Variants in FGF14 observed in about 807,000 individuals in gnomAD.
The protein encoded by FGF14 is fibroblast growth factor homologous factor 4.
In FGF14, 5 loss-of-function variants were observed where a neutral mutation model predicts 25.5. The ratio of observed to expected loss-of-function variants is 0.20; its 90% CI spans 0.10 to 0.41. The LOEUF is 0.41. Among genes scored for constraint, FGF14 ranks in the 10% least tolerant of loss-of-function variants. FGF14 has a pLI of 1.00. For missense variants in FGF14, 222 were observed against 320.1 expected, an observed-to-expected ratio of 0.69 and a Z score of 2.34; for synonymous variants, 138 against 118.3, an observed-to-expected ratio of 1.17 and a Z score of -1.08.
intron 3 of FGF14, among the ~76,000 whole-genome samples, chr13:101,758,157 A>T (rs982057662): frequency 6.6e-6 from 1 of 152,232 alleles, no homozygotes; most frequent in African/African-American, 2.4e-5. Flanking sequence ...ACCTTGAACT[A>T]AGTGCCTTTT....
chr13:102,398,573 T>C (rs2058633007), intron 1 of FGF14, among the ~76,000 whole-genome samples: 1 of 152,176 alleles, frequency 6.6e-6, no homozygotes, highest in Non-Finnish European at 1.5e-5. Flanking sequence ...GTTCTCTTTT[T>C]AAATTTAAGA....
chr13:101,886,577 T>C lies in FGF14; in HGVS notation c.194-11281A>G, dbSNP rs948588581. On this transcript the variant is annotated intron_variant, in intron 1 of 4. Transcript: ENST00000376143. ...AGATTTAAATGTAATACGTAAGACC[T>C]GAAACTTTAAAACTACCAGAAGAAA... 2.6e-5 allele frequency among the ~76,000 whole-genome samples: 4 copies of C among 152,122 alleles called. No individual in the cohort carries two copies. In the East Asian group the frequency reaches 7.7e-4, roughly 29 times the overall value.
intron 1 of FGF14, among the ~76,000 whole-genome samples, chr13:102,052,681 C>A (rs1475918695): frequency 7.3e-5 from 11 of 151,620 alleles, no homozygotes; most frequent in Non-Finnish European, 4.4e-5. Flanking sequence ...CCGTATCCAG[C>A]AAATATGTCC....
intron 1 of FGF14, among the ~76,000 whole-genome samples, chr13:102,358,834 G>A (rs2057487747): frequency 6.6e-6 from 1 of 152,144 alleles, no homozygotes; most frequent in African/African-American, 2.4e-5. Context: ...GTCAGATTCA[G>A]ATAAGATTTA....
intron 1 of FGF14, among the ~76,000 whole-genome samples, chr13:102,300,955 ACACACACAC>A (rs2055017340): frequency 6.7e-6 from 1 of 149,570 alleles, no homozygotes; most frequent in Admixed American, 6.7e-5. Flanking sequence ...ACACACACAC[ACACACACAC>A]GTTTAACCTT....
chr13:101,743,125 G>A (rs2036658414), intron 3 of FGF14, among the ~76,000 whole-genome samples: 1 of 152,158 alleles, frequency 6.6e-6, no homozygotes, highest in African/African-American at 2.4e-5. Flanking sequence ...GCCCTAAAAT[G>A]TATAAAACCA....
intron 1 of FGF14, among the ~76,000 whole-genome samples, chr13:102,221,970 G>C (rs890249245): frequency 6.6e-6 from 1 of 152,072 alleles, no homozygotes; most frequent in Non-Finnish European, 1.5e-5. Context: ...TCACAGATTA[G>C]AAAATGATTA....
intron 1 of FGF14, among the ~76,000 whole-genome samples, chr13:102,030,588 T>A (rs961564205): frequency 2.6e-5 from 4 of 152,072 alleles, no homozygotes; most frequent in Non-Finnish European, 4.4e-5. Context: ...AGATGACTTC[T>A]GATCTTCTTT....
chr13:102,085,245 TG>T (rs1043014278), intron 1 of FGF14, among the ~76,000 whole-genome samples: 1 of 151,912 alleles, frequency 6.6e-6, no homozygotes, highest in Non-Finnish European at 1.5e-5. Context: ...TATGTGCTGG[TG>T]GGGGAGGGGG....
At chr13:102,026,321 T>C (rs1017616997) in intron 1 of FGF14, among the ~76,000 whole-genome samples, 2 of 151,940 alleles carry the variant, frequency 1.3e-5, no homozygotes, top group Non-Finnish European at 2.9e-5. Context: ...ATTCTTTTTA[T>C]ATGTTGCTAG....
intron 3 of FGF14, among the ~76,000 whole-genome samples, chr13:101,859,684 G>A (rs1195197842): frequency 1.3e-5 from 2 of 152,018 alleles, no homozygotes; most frequent in Non-Finnish European, 2.9e-5. Flanking sequence ...TATGGTTTTG[G>A]TTGTAGTTAG....
chr13:102,370,579 A>C (rs968612926), intron 1 of FGF14, among the ~76,000 whole-genome samples: 5 of 152,134 alleles, frequency 3.3e-5, no homozygotes, highest in African/African-American at 1.2e-4. Context: ...AAATGATAAC[A>C]ATCACAGGGC....
intron 1 of FGF14, among the ~76,000 whole-genome samples, chr13:102,032,288 C>G (rs1470985376): frequency 1.3e-5 from 2 of 152,146 alleles, no homozygotes; most frequent in African/African-American, 4.8e-5. Context: ...TTCTCCCACT[C>G]TGCAAGGAGG....
intron 1 of FGF14, among the ~76,000 whole-genome samples, chr13:101,963,161 G>T (rs1045639926): frequency 1.3e-5 from 2 of 152,214 alleles, no homozygotes; most frequent in Non-Finnish European, 2.9e-5. Context: ...CTTAAGGAGA[G>T]AATGAAATGT....
chr13:101,901,756 T>C (rs1376823387), intron 1 of FGF14, among the ~76,000 whole-genome samples: 1 of 151,986 alleles, frequency 6.6e-6, no homozygotes, highest in African/African-American at 2.4e-5. Flanking sequence ...AACAAACAGA[T>C]ACGCGAGGAG....
chr13:101,716,791 C>CAAAAA lies in FGF14; in HGVS notation c.*6035_*6039dup, dbSNP rs35542915. ...CCAATCTCAGAAGCTCACAAAAGACCAAAAAAAAAAAAAAATCTAGAAATG... is the reference window on the plus strand; with the variant it reads ...CCAATCTCAGAAGCTCACAAAAGACCAAAAAAAAAAAAAAAAAAAATCTAGAAATG... On this transcript the variant is annotated 3_prime_UTR_variant, in exon 5 of 5. Coordinates refer to ENST00000376143, the MANE Select transcript of FGF14 (RefSeq NM_004115.4). 2 of 141,236 alleles carry CAAAAA rather than the reference C, an allele frequency of 1.4e-5. No individual in the cohort carries two copies. Among genetic ancestry groups the CAAAAA allele is most frequent in the East Asian group, 2.1e-4 (1 of 4,872 alleles). The allele number at this position is 141,236 out of a possible 1,614,324, so 8.7% of individuals were successfully genotyped here. A position where few individuals can be genotyped will look rare whatever the true frequency, so the allele number is the denominator to read the frequency against.
intron 1 of FGF14, among the ~76,000 whole-genome samples, chr13:101,910,334 A>T (rs1478873249): frequency 6.6e-6 from 1 of 152,152 alleles, no homozygotes; most frequent in Admixed American, 6.6e-5. Context: ...ATTTATCTCA[A>T]TTGTATTCTA....
At chr13:101,992,638 A>G (rs1354098484) in intron 1 of FGF14, among the ~76,000 whole-genome samples, 1 of 152,120 alleles carries the variant, frequency 6.6e-6, no homozygotes, top group African/African-American at 2.4e-5. Flanking sequence ...AATTCCAAAA[A>G]GAATCAAAAG....
chr13:101,726,726 G>C lies in FGF14; in HGVS notation c.493C>G (p.Gln165Glu), dbSNP rs2139688524. ...AAAAACCAGGCTCTACCAGATTCCT[G>C]TTGTCTGTACAACATGGATGAGTAG... ...VIYSSMLYRQ[Q>E]ESGRAWFLGL... is the part of the protein sequence containing the mutation. Residue 165 changes from glutamine (Q) to glutamate (E), a missense_variant, in exon 4 of 5, where the codon CAG becomes GAG. Transcript: ENST00000376143. 6.2e-7 allele frequency: 1 copy of C among 1,613,030 alleles called. No individual in the cohort carries two copies. Among genetic ancestry groups the C allele is most frequent in the Non-Finnish European group, 8.5e-7 (1 of 1,179,318 alleles).
Sources: allele counts gnomAD v4.1 joint callset (sites outside exome capture counted in the v4.1 genomes callset), GRCh38; gene constraint gnomAD v4.1.1; transcripts MANE v1.5; gene names NCBI Gene and HGNC (gene_info 2026-07-23, HGNC 2026-07-21).